ERBB4: variants seen among roughly 807,000 people sequenced by gnomAD.
The protein encoded by ERBB4 is receptor tyrosine-protein kinase erbB-4.
In ERBB4, 42 loss-of-function variants were observed where a neutral mutation model predicts 158.0. The ratio of observed to expected loss-of-function variants is 0.27; its 90% confidence interval spans 0.21 to 0.34. The LOEUF is 0.34. Among genes scored for constraint, ERBB4 ranks in the 10% least tolerant of loss-of-function variants. ERBB4 has a pLI of 1.00. For synonymous variants in ERBB4, 583 were observed against 558.7 expected, an observed-to-expected ratio of 1.04 and a Z score of -0.61; for missense variants, 1,333 against 1,624.1, an observed-to-expected ratio of 0.82 and a Z score of 3.08.
intron 1 of ERBB4, among the ~76,000 whole-genome samples, chr2:212,163,349 T>C (rs1368621852): frequency 6.6e-6 from 1 of 151,802 alleles, no homozygotes; most frequent in African/African-American, 2.4e-5. Flanking sequence ...AAAGGCACTA[T>C]TCATTAATAA....
At chr2:211,768,062 A>G (rs2075597486) in intron 4 of ERBB4, among the ~76,000 whole-genome samples, 1 of 152,240 alleles carries the variant, frequency 6.6e-6, no homozygotes, top group African/African-American at 2.4e-5. Flanking sequence ...GACATTGGGT[A>G]AATACACTCA....
At chr2:211,981,997 A>C (rs1272700303) in intron 2 of ERBB4, among the ~76,000 whole-genome samples, 1 of 152,160 alleles carries the variant, frequency 6.6e-6, no homozygotes, top group Non-Finnish European at 1.5e-5. Flanking sequence ...TTAGTGTATA[A>C]GATAAACTTC....
intron 20 of ERBB4, among the ~76,000 whole-genome samples, chr2:211,559,357 C>T (rs1028104363): frequency 1.3e-5 from 2 of 152,138 alleles, no homozygotes; most frequent in Non-Finnish European, 1.5e-5. Flanking sequence ...TGTTAAAATA[C>T]TTCAGTAACT....
At chr2:212,422,794 G>A (rs941792407) in intron 1 of ERBB4, among the ~76,000 whole-genome samples, 1 of 152,148 alleles carries the variant, frequency 6.6e-6, no homozygotes, top group African/African-American at 2.4e-5. Context: ...GAGTTACCAA[G>A]TTAGAAATTA....
chr2:212,423,913 T>C (rs531103312), intron 1 of ERBB4, among the ~76,000 whole-genome samples: 9 of 152,216 alleles, frequency 5.9e-5, no homozygotes, highest in Admixed American at 5.9e-4. Flanking sequence ...GTACATGAGG[T>C]ATTTTTTCCC....
intron 1 of ERBB4, among the ~76,000 whole-genome samples, chr2:212,361,934 A>G (rs111552371): frequency 0.014 from 2,063 of 151,774 alleles, 41 homozygotes; most frequent in African/African-American, 0.047. Context: ...AGACAATATA[A>G]TAACAAAATT....
intron 3 of ERBB4, among the ~76,000 whole-genome samples, chr2:211,868,806 A>G (rs1265818827): frequency 1.3e-5 from 2 of 152,108 alleles, no homozygotes; most frequent in Non-Finnish European, 2.9e-5. Flanking sequence ...TTCTCACTGG[A>G]TCTCTCAATA....
chr2:212,310,725 C>G (rs1296207053), intron 1 of ERBB4, among the ~76,000 whole-genome samples: 2 of 149,000 alleles, frequency 1.3e-5, no homozygotes, highest in East Asian at 2.0e-4. Flanking sequence ...ATTTTATTTT[C>G]CAAAAAACCC....
chr2:212,490,956 TTC>T (rs1222762545), intron 1 of ERBB4, among the ~76,000 whole-genome samples: 2 of 151,748 alleles, frequency 1.3e-5, no homozygotes, highest in Non-Finnish European at 3.0e-5. Context: ...TCAATCCAAT[TTC>T]TTATTCTTTT....
chr2:211,903,316 T>C (rs1295207818), intron 3 of ERBB4, among the ~76,000 whole-genome samples: 1 of 152,110 alleles, frequency 6.6e-6, no homozygotes, highest in Non-Finnish European at 1.5e-5. Flanking sequence ...GAATGAAGTA[T>C]ATTTTAATGT....
In ERBB4 at chr2:211,625,049, G is replaced by A. The variant is rs547791613; in HGVS notation, c.2080-1005C>T. Among the ~76,000 whole-genome samples the A allele has an allele frequency of 9.6e-4, 146 of 151,744 alleles. 1 individual carries two copies. The highest frequency in any genetic ancestry group is 1.2e-3 in the Non-Finnish European group (82 of 67,958). Reference sequence around the variant, plus strand: ...GAGAAGGGGGCAAGTATGTGCATGCGTGCCAATCACTGGCATATGTGAGAA... The same window carrying A: ...GAGAAGGGGGCAAGTATGTGCATGCATGCCAATCACTGGCATATGTGAGAA... On this transcript the variant is annotated intron_variant, in intron 17 of 27. Transcript: ENST00000342788.
chr2:212,168,047 T>A (rs2081402081), intron 1 of ERBB4, among the ~76,000 whole-genome samples: 1 of 138,852 alleles, frequency 7.2e-6, no homozygotes, highest in Non-Finnish European at 1.6e-5. Flanking sequence ...TGCATATGTA[T>A]CCAGGAACTG....
intron 1 of ERBB4, among the ~76,000 whole-genome samples, chr2:212,343,142 T>A (rs1402203223): frequency 6.6e-6 from 1 of 152,184 alleles, no homozygotes; most frequent in Non-Finnish European, 1.5e-5. Flanking sequence ...CAACTGTATA[T>A]GCCTTTGGAA....
chr2:212,267,691 T>A (rs940213234), intron 1 of ERBB4, among the ~76,000 whole-genome samples: 1 of 151,314 alleles, frequency 6.6e-6, no homozygotes, highest in Admixed American at 6.6e-5. Context: ...GCTGGTGTGA[T>A]GCACCCATTA....
chr2:212,210,213 C>CAAA (rs58137267), intron 1 of ERBB4, among the ~76,000 whole-genome samples: 7 of 135,646 alleles, frequency 5.2e-5, no homozygotes, highest in Non-Finnish European at 7.9e-5. Context: ...AATGCTAGTG[C>CAAA]AAAAAAAAAA....
chr2:211,502,251 G>T (rs941764283), intron 20 of ERBB4, among the ~76,000 whole-genome samples: 1 of 152,096 alleles, frequency 6.6e-6, no homozygotes, highest in Admixed American at 6.5e-5. Flanking sequence ...TACTTCTATG[G>T]CTTCTAACAA....
chr2:212,019,689 G>A (rs1204813550), intron 2 of ERBB4, among the ~76,000 whole-genome samples: 1 of 150,684 alleles, frequency 6.6e-6, no homozygotes, highest in Non-Finnish European at 1.5e-5. Flanking sequence ...CTTGAACCCA[G>A]GAGGTGGAGG....
At chr2:212,428,143 C>T (rs936914066) in intron 1 of ERBB4, among the ~76,000 whole-genome samples, 4 of 151,968 alleles carry the variant, frequency 2.6e-5, no homozygotes, top group African/African-American at 9.7e-5. Context: ...TTTTATTAAG[C>T]TATGGATTCA....
At chr2:212,354,095 A>G (rs1266078447) in intron 1 of ERBB4, among the ~76,000 whole-genome samples, 1 of 152,152 alleles carries the variant, frequency 6.6e-6, no homozygotes, top group African/African-American at 2.4e-5. Context: ...TACCTGGCTC[A>G]TCCTTACCAA....
Sources: allele counts gnomAD v4.1 joint callset (sites outside exome capture counted in the v4.1 genomes callset), GRCh38; gene constraint gnomAD v4.1.1; transcripts MANE v1.5; gene names NCBI Gene and HGNC (gene_info 2026-07-23, HGNC 2026-07-21).